The following ADCY8 variants were observed in gnomAD, a reference collection of about 807,000 sequenced individuals.
ADCY8 encodes the protein adenylate cyclase 8.
ADCY8 carries 51 observed loss-of-function variants against 119.7 expected under a neutral mutation model. The ratio of observed to expected loss-of-function variants is 0.43; its 90% confidence interval spans 0.34 to 0.54. The LOEUF (loss-of-function observed/expected upper bound fraction) is 0.54, where lower values mean the gene tolerates loss of function less well. Among genes scored for constraint, ADCY8 ranks in the 20% least tolerant of loss-of-function variants. The probability of loss-of-function intolerance (pLI) is 0.03; values close to 1 mark genes in which losing one functional copy is unlikely to be tolerated. For synonymous variants in ADCY8, 665 were observed against 651.0 expected (o/e 1.02, Z -0.33); for missense variants, 1,383 against 1,598.8 (o/e 0.87, Z 2.30).
At chr8:130,783,904 T>C (rs1815168724) in intron 16 of ADCY8, 99 bp from the exon 17 acceptor site, 2 of 802,780 alleles carry the variant, frequency 2.5e-6, no homozygotes, top group South Asian at 1.7e-5. Flanking sequence ...CAACCCTACC[T>C]GCACATCCCT....
Position 130,793,064 on chromosome 8 carries a change from A to G in ADCY8, c.3060+7362T>C, listed in dbSNP as rs900755142. Reference sequence around the variant, plus strand: ...CAAGACATGCTGATGCAGCTGGCTCACCCCTAAGGCAGCACAAGTCAGGTT... The same window carrying G: ...CAAGACATGCTGATGCAGCTGGCTCGCCCCTAAGGCAGCACAAGTCAGGTT... On this transcript the variant is annotated intron_variant, in intron 15 of 17. Coordinates refer to ENST00000286355, the MANE Select transcript of ADCY8 (RefSeq NM_001115.3). Among the ~76,000 whole-genome samples, 14 of 152,026 alleles carry G rather than the reference A, an allele frequency of 9.2e-5. 1 individual carries two copies. The highest frequency in any genetic ancestry group is 5.2e-4 in the Admixed American group (8 of 15,264).
intron 5 of ADCY8, among the ~76,000 whole-genome samples, chr8:130,925,793 T>C (rs1419287590): frequency 1.3e-5 from 2 of 152,236 alleles, no homozygotes; most frequent in African/African-American, 2.4e-5. Context: ...GGGTGACTCT[T>C]GGAACTCAGC....
chr8:131,036,927 G>T (rs1413393587), intron 1 of ADCY8, among the ~76,000 whole-genome samples: 2 of 152,198 alleles, frequency 1.3e-5, no homozygotes, highest in Non-Finnish European at 2.9e-5. Flanking sequence ...GATTTTACTC[G>T]AGTTGCTATA....
chr8:130,783,668 C>A, intron 17 of ADCY8, 23 bp downstream of exon 17: 2 of 1,573,158 alleles, frequency 1.3e-6, no homozygotes, highest in East Asian at 2.2e-5. Context: ...CTCTATCAGG[C>A]CCCACCTGCA....
At chr8:130,780,951 G>C in intron 17 of ADCY8, 74 bp from the exon 18 acceptor site, 1 of 1,558,620 alleles carries the variant, frequency 6.4e-7, no homozygotes, top group Non-Finnish European at 8.7e-7. Context: ...CCCTCCCTGG[G>C]ACAGTGATCA....
intron 1 of ADCY8, among the ~76,000 whole-genome samples, chr8:131,006,764 A>G (rs146049456): frequency 6.6e-6 from 1 of 152,152 alleles, no homozygotes; most frequent in Admixed American, 6.5e-5. Flanking sequence ...TCCTGTTTAG[A>G]TCTCCATGAG....
intron 2 of ADCY8, among the ~76,000 whole-genome samples, chr8:130,969,960 ATTTTG>A (rs1486670155): frequency 6.6e-6 from 1 of 152,140 alleles, no homozygotes; most frequent in East Asian, 1.9e-4. Context: ...ATCTTAATAT[ATTTTG>A]TTCATTTATC....
At chr8:130,910,547 C>G (rs1317133860) in intron 5 of ADCY8, among the ~76,000 whole-genome samples, 1 of 152,202 alleles carries the variant, frequency 6.6e-6, no homozygotes, top group Admixed American at 6.5e-5. Context: ...TCACTCTTTT[C>G]TGACCTACTA....
At chr8:130,785,242 G>A (rs997037503) in intron 16 of ADCY8, 141 bp downstream of exon 16, 4 of 496,964 alleles carry the variant, frequency 8.0e-6, no homozygotes, top group African/African-American at 2.0e-5. Flanking sequence ...TCCACATCAC[G>A]TAACTATTAT....
chr8:130,783,723 T>G lies in ADCY8; in HGVS notation c.3236A>C (p.Lys1079Thr). The G allele has an allele frequency of 6.2e-7, 1 of 1,613,596 alleles. No homozygotes were observed. Among genetic ancestry groups the G allele is most frequent in the South Asian group, 1.1e-5 (1 of 90,972 alleles). The change falls in exon 17 of 18, where the codon AAG (lysine) becomes ACG (threonine). Residue 1079 changes from lysine (K) to threonine (T), a missense_variant. Around this residue, in one of 2 missense-constraint regions of ADCY8, gnomAD observed 928 missense variants for 1,163.5 expected, o/e 0.80. Transcript: ENST00000286355. Reference protein sequence around the residue: ...ALTESIQEINKHSFNNFELRI... With the variant: ...ALTESIQEINTHSFNNFELRI... ...GAGTTCAAAATTGTTGAATGAATGCTTGTTGATCTCCTGTATGCTTTCTGT... is the reference window on the plus strand; with the variant it reads ...GAGTTCAAAATTGTTGAATGAATGCGTGTTGATCTCCTGTATGCTTTCTGT...
At chr8:130,986,564 A>G (rs189094398) in intron 2 of ADCY8, among the ~76,000 whole-genome samples, 38 of 152,332 alleles carry the variant, frequency 2.5e-4, no homozygotes, top group Admixed American at 8.5e-4. Flanking sequence ...ACAAGAAAAC[A>G]ATTTCAACTC....
At chr8:130,988,235 C>A (rs549136539) in intron 2 of ADCY8, among the ~76,000 whole-genome samples, 1 of 152,294 alleles carries the variant, frequency 6.6e-6, no homozygotes, top group African/African-American at 2.4e-5. Context: ...AAGCAGAGAT[C>A]AGATGCCAGT....
chr8:130,974,408 C>T (rs1822011104), intron 2 of ADCY8, among the ~76,000 whole-genome samples: 1 of 152,200 alleles, frequency 6.6e-6, no homozygotes, highest in Non-Finnish European at 1.5e-5. Context: ...CTTCCAAGCA[C>T]AGCCAGTGCA....
chr8:130,857,557 C>A (rs1182933812), intron 9 of ADCY8, among the ~76,000 whole-genome samples: 2 of 152,130 alleles, frequency 1.3e-5, no homozygotes, highest in Non-Finnish European at 2.9e-5. Flanking sequence ...CATTCTCTGT[C>A]CTCTATAATT....
chr8:130,814,129 G>T lies in ADCY8; in HGVS notation c.2853C>A (p.Leu951=). The T allele has an allele frequency of 1.9e-6, 3 of 1,614,152 alleles. No homozygotes were observed. The highest frequency in any genetic ancestry group is 1.7e-6 in the Non-Finnish European group (2 of 1,180,034). Residue 951 remains leucine (L), a synonymous_variant, in exon 14 of 18, where the codon CTC becomes CTA. Transcript: ENST00000286355. Reference sequence around the variant, plus strand: ...CCACATGGCTGGGTAAGATATTCCGGAGCATGTTCTCATTGTGTTCCCTCA... The same window carrying T: ...CCACATGGCTGGGTAAGATATTCCGTAGCATGTTCTCATTGTGTTCCCTCA... The part of the protein sequence containing the change: ...KELREHNENM[L]RNILPSHVAR...
At chr8:131,000,797 A>G (rs986594701) in intron 1 of ADCY8, among the ~76,000 whole-genome samples, 28 of 152,014 alleles carry the variant, frequency 1.8e-4, no homozygotes, top group Admixed American at 7.9e-4. Flanking sequence ...CCATTTTTAC[A>G]GATCAGTTCT....
At chr8:130,985,017 GGAT>G (rs1822354986) in intron 2 of ADCY8, among the ~76,000 whole-genome samples, 1 of 152,178 alleles carries the variant, frequency 6.6e-6, no homozygotes, top group Admixed American at 6.5e-5. Flanking sequence ...GGCCCTTGAA[GGAT>G]GCCTACCTTT....
chr8:130,806,756 G>A (rs142783887), intron 14 of ADCY8, among the ~76,000 whole-genome samples: 114 of 152,238 alleles, frequency 7.5e-4, no homozygotes, highest in African/African-American at 2.6e-3. Context: ...ACCCAGGGCC[G>A]GCCATTGATG....
intron 2 of ADCY8, among the ~76,000 whole-genome samples, chr8:130,955,595 T>TAGTAC (rs1301434017): frequency 6.6e-6 from 1 of 152,076 alleles, no homozygotes; most frequent in East Asian, 1.9e-4. Flanking sequence ...TAAAACAGAA[T>TAGTAC]AGTACAGTTA....
Sources: allele counts gnomAD v4.1 joint callset (sites outside exome capture counted in the v4.1 genomes callset), GRCh38; gene constraint gnomAD v4.1.1; regional missense constraint gnomAD v4.1.1; transcripts MANE v1.5; gene names NCBI Gene and HGNC (gene_info 2026-07-23, HGNC 2026-07-21).